Variants in ARHGAP44 observed in about 807,000 individuals in gnomAD.
The protein encoded by ARHGAP44 is Rho GTPase activating protein 44, also known as rho GTPase-activating protein 44.
Under a neutral mutation model 106.8 loss-of-function variants are expected in ARHGAP44, and 43 were observed. That is an observed-to-expected ratio of 0.40 (90% CI 0.32 to 0.52). The LOEUF (loss-of-function observed/expected upper bound fraction) is 0.52, where lower values mean the gene tolerates loss of function less well. Ranked by LOEUF, ARHGAP44 falls within the 20% of genes least tolerant of loss-of-function variation. The pLI is 0.48. For missense variants in ARHGAP44, 866 were observed against 1,050.5 expected (o/e 0.82, Z 2.43); for synonymous variants, 439 against 410.3 (o/e 1.07, Z -0.85).
At chr17:12,951,033 T>C (rs2038980352) in intron 12 of ARHGAP44, among the ~76,000 whole-genome samples, 1 of 152,112 alleles carries the variant, frequency 6.6e-6, no homozygotes, top group African/African-American at 2.4e-5. Context: ...TCCAATCAAG[T>C]TGCATAATGG....
intron 3 of ARHGAP44, among the ~76,000 whole-genome samples, chr17:12,903,140 AGTGTGTGTGTGTGTGTGTGT>A (rs546197652): frequency 1.8e-3 from 101 of 57,602 alleles, no homozygotes; most frequent in African/African-American, 5.9e-3. Context: ...AGAGAGAGAG[AGTGTGTGTGTGTGTGTGTGT>A]GTGTGTGTGT....
At chr17:12,926,646 G>GA (rs897539643) in intron 6 of ARHGAP44, among the ~76,000 whole-genome samples, 7 of 150,416 alleles carry the variant, frequency 4.7e-5, no homozygotes, top group Non-Finnish European at 7.4e-5. Flanking sequence ...AAATCTGGAG[G>GA]AAAAAATAGA....
At chr17:12,922,332 C>G (rs6502218) in intron 6 of ARHGAP44, among the ~76,000 whole-genome samples, 117,581 of 152,174 alleles carry the variant, frequency 0.77, 46,056 homozygotes, top group East Asian at 0.98. Context: ...GAGGAATAGA[C>G]AGCAGAATGA....
chr17:12,913,188 G>A (rs1393772723), intron 4 of ARHGAP44, among the ~76,000 whole-genome samples: 3 of 152,030 alleles, frequency 2.0e-5, no homozygotes, highest in African/African-American at 7.2e-5. Context: ...AAAAAAATTA[G>A]CACACAAAAC....
In ARHGAP44 at chr17:12,896,757, C is replaced by T. The variant is rs113528501; in HGVS notation, c.198+246C>T. 1.1e-3 allele frequency among the ~76,000 whole-genome samples: 171 copies of T among 152,326 alleles called. 2 individuals carry two copies. The highest frequency in any genetic ancestry group is 2.8e-3 in the African/African-American group (117 of 41,572). On this transcript the variant is annotated intron_variant, in intron 3 of 20. Coordinates refer to ENST00000379672, the MANE Select transcript of ARHGAP44 (RefSeq NM_014859.6). The stretch of plus-strand genomic sequence containing the variant: ...GGCAAGTTGAGGTCCTCTCCCTGTC[C>T]TCCCCAGCTTGGAGCAACTGGGAAG...
chr17:12,914,628 C>G (rs565611352), intron 4 of ARHGAP44, among the ~76,000 whole-genome samples: 1 of 152,100 alleles, frequency 6.6e-6, no homozygotes, highest in Non-Finnish European at 1.5e-5. Context: ...AACCCCATGT[C>G]TACTAAAAAT....
intron 1 of ARHGAP44, among the ~76,000 whole-genome samples, chr17:12,802,945 ATATATATATATATATATATATATATT>A (rs1156932779): frequency 7.7e-4 from 12 of 15,506 alleles, no homozygotes; most frequent in South Asian, 3.3e-3. Flanking sequence ...ATATATATAT[ATATATATATATATATATATATATATT>A]TTTTTTTTTT....
rs1051066370 is a variant in ARHGAP44, at chr17:12,841,140, C to T, written c.53+51249C>T. On this transcript the variant is annotated intron_variant, in intron 1 of 20. Transcript: ENST00000379672. ...TTAGAAGAGTTTTACTTGAGGAAGG[C>T]GCCTTTTCCAGTTTGCACAGAGGCA... Among the ~76,000 whole-genome samples, 9 of 152,234 alleles carry T rather than the reference C, an allele frequency of 5.9e-5. No homozygotes were observed. In the South Asian group the frequency reaches 1.5e-3, roughly 25 times the overall value.
intron 1 of ARHGAP44, among the ~76,000 whole-genome samples, chr17:12,856,847 T>C (rs1405440974): frequency 1.3e-5 from 2 of 152,224 alleles, no homozygotes; most frequent in Non-Finnish European, 2.9e-5. Context: ...TTTTGGTGCT[T>C]TCTAATGAAT....
rs552236858 is a variant in ARHGAP44, at chr17:12,941,123, C to A, written c.650C>A (p.Thr217Lys). ...ATTGACTATGCAAACTACTTTCAAA[C>A]GGTAAGTGCCCAGAAAGGTGAGATT... ...KEIDYANYFQ[T>K]LIEVQAEYHR... The change falls in exon 8 of 21, where the codon ACG becomes AAG. Residue 217 changes from threonine to lysine, a missense_variant and splice_region_variant. Coordinates refer to ENST00000379672, the MANE Select transcript of ARHGAP44 (RefSeq NM_014859.6). The A allele has an allele frequency of 6.2e-7, 1 of 1,613,670 alleles. No individual in the cohort carries two copies. The highest frequency in any genetic ancestry group is 1.1e-5 in the South Asian group (1 of 91,062).
chr17:12,849,760 G>A (rs1234464545), intron 1 of ARHGAP44, among the ~76,000 whole-genome samples: 4 of 151,768 alleles, frequency 2.6e-5, no homozygotes, highest in East Asian at 1.9e-4. Context: ...TTTTGGGTCC[G>A]AAAATAGGAT....
At chr17:12,819,805 T>C (rs952420700) in intron 1 of ARHGAP44, among the ~76,000 whole-genome samples, 1 of 152,094 alleles carries the variant, frequency 6.6e-6, no homozygotes, top group Non-Finnish European at 1.5e-5. Context: ...TCTTTATCTA[T>C]TTTGCATGTA....
Position 12,949,243 on chromosome 17 carries a change from C to G in ARHGAP44, c.965C>G (p.Ala322Gly). 1 of 1,559,994 alleles carries G rather than the reference C, an allele frequency of 6.4e-7. No individual in the cohort carries two copies. Among genetic ancestry groups the G allele is most frequent in the Non-Finnish European group, 8.7e-7 (1 of 1,152,028 alleles). The part of the protein sequence containing the change: ...DVQEYSADPH[A>G]IAGALKSYLR... ...CAGGAGTACTCGGCAGACCCCCACG[C>G]AATTGCAGGTGGGCACCTCTCAGCG... Residue 322 changes from alanine (A) to glycine (G), a missense_variant, in exon 11 of 21, where the codon GCA becomes GGA. Physicochemically the swap from Ala to Gly is moderately conservative, Grantham distance 60 (BLOSUM62 0). Coordinates refer to ENST00000379672, the MANE Select transcript of ARHGAP44 (RefSeq NM_014859.6). This position sits in a 1 kb window ranked among gnomAD's most constrained non-coding sequence, Gnocchi z 4.1.
At position 12,789,905 on chromosome 17, in the gene ARHGAP44, G is replaced by A; in HGVS notation, c.53+14G>A. 1 of 1,512,418 alleles carries A rather than the reference G, an allele frequency of 6.6e-7. No homozygotes were observed. Among genetic ancestry groups the A allele is most frequent in the Non-Finnish European group, 8.8e-7 (1 of 1,132,310 alleles). 93.7% of individuals were successfully genotyped at this position (1,512,418 alleles called of 1,614,324 possible). The stretch of plus-strand genomic sequence containing the variant: ...GACGGTGGGCAGGTAGGTCACCCGC[G>A]GGCACCGCTGTCGGTGCGCGCCCGC... On this transcript the variant is annotated intron_variant, in intron 1 of 20. Transcript: ENST00000379672.
intron 7 of ARHGAP44, 39 bp downstream of exon 7, chr17:12,929,085 G>T: frequency 2.6e-6 from 4 of 1,560,960 alleles, no homozygotes; most frequent in East Asian, 2.3e-5. Context: ...GGGACAGGCT[G>T]GGGAGCCCTC....
At chr17:12,956,823 C>G (rs562023452) in intron 15 of ARHGAP44, 77 bp downstream of exon 15, 2 of 1,269,224 alleles carry the variant, frequency 1.6e-6, no homozygotes, top group African/African-American at 2.9e-5. Flanking sequence ...CCTTTGAAGC[C>G]AAGTACCACT....
At chr17:12,911,693 A>G (rs528140771) in intron 4 of ARHGAP44, among the ~76,000 whole-genome samples, 1 of 152,264 alleles carries the variant, frequency 6.6e-6, no homozygotes, top group South Asian at 2.1e-4. Context: ...AGAATTCTCT[A>G]GAGGGGATAA....
intron 7 of ARHGAP44, among the ~76,000 whole-genome samples, chr17:12,940,739 TA>T (rs1352629510): frequency 2.0e-5 from 3 of 152,190 alleles, no homozygotes; most frequent in Non-Finnish European, 4.4e-5. Flanking sequence ...TGCTTCAGAA[TA>T]GGGGCACAAG....
At chr17:12,926,254 A>G (rs907552527) in intron 6 of ARHGAP44, among the ~76,000 whole-genome samples, 2 of 151,642 alleles carry the variant, frequency 1.3e-5, no homozygotes, top group African/African-American at 2.4e-5. Flanking sequence ...AATCCCAGCT[A>G]CTCGGGAGGC....
Sources: allele counts gnomAD v4.1 joint callset (sites outside exome capture counted in the v4.1 genomes callset), GRCh38; gene constraint gnomAD v4.1.1; non-coding constraint Gnocchi (gnomAD v3.1); transcripts MANE v1.5; gene names NCBI Gene and HGNC (gene_info 2026-07-23, HGNC 2026-07-21).